IL31RA: variants seen among roughly 807,000 people sequenced by gnomAD.
IL31RA encodes the protein interleukin-31 receptor subunit alpha.
In IL31RA, 66 loss-of-function variants were observed where a neutral mutation model predicts 83.7. That is an observed-to-expected ratio of 0.79 (90% CI 0.65 to 0.97). The LOEUF (loss-of-function observed/expected upper bound fraction) is 0.97. Ranked by LOEUF, IL31RA falls within the 50% of genes least tolerant of loss-of-function variation. The pLI, the probability that IL31RA is intolerant of heterozygous loss-of-function variation, is 0.00. For missense variants in IL31RA, 798 were observed against 919.4 expected (o/e 0.87, Z 1.71); for synonymous variants, 325 against 329.0 (o/e 0.99, Z 0.13).
Position 55,920,284 on chromosome 5 carries a change from C to T in IL31RA, c.*3164C>T, listed in dbSNP as rs1172675794. 6.6e-6 allele frequency among the ~76,000 whole-genome samples: 1 copy of T among 152,238 alleles called. No individual in the cohort carries two copies. The highest frequency in any genetic ancestry group is 1.5e-5 in the Non-Finnish European group (1 of 68,046). On this transcript the variant is annotated 3_prime_UTR_variant, in exon 15 of 15. Transcript: ENST00000652347. ...TGTCCACCCCAGTCTGATTCTGTCC[C>T]CATTTCCAGCACGCCCCTAGTTACT...
intron 5 of IL31RA, among the ~76,000 whole-genome samples, chr5:55,888,672 C>A (rs1580704614): frequency 6.6e-6 from 1 of 152,176 alleles, no homozygotes; most frequent in East Asian, 1.9e-4. Flanking sequence ...TAATCCTGTT[C>A]TAGTTGGATC....
chr5:55,843,067 C>T, the IL31RA span, among the ~76,000 whole-genome samples: 1 of 152,188 alleles, frequency 6.6e-6, no homozygotes, highest in Non-Finnish European at 1.5e-5. Flanking sequence ...GGTTAATCTT[C>T]CCTTTTGCAT....
intron 1 of IL31RA, among the ~76,000 whole-genome samples, chr5:55,857,259 C>T (rs369170205): frequency 1.3e-4 from 20 of 152,206 alleles, no homozygotes; most frequent in African/African-American, 4.8e-4. Flanking sequence ...CCACCATACC[C>T]GGCTGATTTT....
intron 7 of IL31RA, among the ~76,000 whole-genome samples, chr5:55,898,333 C>G (rs1043088844): frequency 1.4e-5 from 2 of 142,498 alleles, no homozygotes; most frequent in African/African-American, 2.6e-5. Flanking sequence ...CCCCGCCCCC[C>G]CGCACCTTCA....
At chr5:55,850,646 A>C (rs975039934), upstream of IL31RA, among the ~76,000 whole-genome samples, 4 of 152,152 alleles carry the variant, frequency 2.6e-5, no homozygotes, top group Admixed American at 6.5e-5. Context: ...AATTTAATGA[A>C]TTTGGCTTTG....
chr5:55,889,804 G>A (rs1275362546), intron 5 of IL31RA, among the ~76,000 whole-genome samples, 166 bp from the exon 6 acceptor site: 1 of 152,170 alleles, frequency 6.6e-6, no homozygotes, highest in East Asian at 1.9e-4. Context: ...GGTACCAATT[G>A]TTCCCAGGCA....
chr5:55,842,278 C>T, the IL31RA span, among the ~76,000 whole-genome samples: 8 of 152,314 alleles, frequency 5.3e-5, no homozygotes, highest in Middle Eastern at 3.4e-3. Context: ...GATCACATTT[C>T]GAGATCTTTA....
intron 8 of IL31RA, 45 bp from the exon 9 acceptor site, chr5:55,906,061 G>T (rs762249199): frequency 6.3e-7 from 1 of 1,595,028 alleles, no homozygotes; most frequent in South Asian, 1.1e-5. Context: ...TGCATTTGGG[G>T]AATGAGTTGG....
intron 2 of IL31RA, among the ~76,000 whole-genome samples, chr5:55,862,226 G>A (rs904185339): frequency 2.6e-5 from 4 of 152,176 alleles, no homozygotes; most frequent in Admixed American, 6.5e-5. Context: ...GAAAAACTGT[G>A]AAAATAGCAT....
chr5:55,867,117 G>GCA (rs1561542823), intron 2 of IL31RA, among the ~76,000 whole-genome samples: 6 of 113,974 alleles, frequency 5.3e-5, no homozygotes, highest in African/African-American at 2.4e-4. Context: ...GTGTGCATGT[G>GCA]TGTGTTTGTG....
At chr5:55,844,110 C>A in the IL31RA span, among the ~76,000 whole-genome samples, 1 of 152,014 alleles carries the variant, frequency 6.6e-6, no homozygotes, top group Non-Finnish European at 1.5e-5. Flanking sequence ...AATAAACCAC[C>A]TTTCCTATAA....
Position 55,920,162 on chromosome 5 carries a change from C to T in IL31RA, c.*3042C>T, listed in dbSNP as rs1315038976. On this transcript the variant is annotated 3_prime_UTR_variant, in exon 15 of 15. Coordinates refer to ENST00000652347, the MANE Select transcript of IL31RA (RefSeq NM_139017.7). Reference sequence around the variant, plus strand: ...ACACCACGCAAGGGTCTGGAGGAGGCAGGAGATGGGGAGAGATGAAAAAGG... The same window carrying T: ...ACACCACGCAAGGGTCTGGAGGAGGTAGGAGATGGGGAGAGATGAAAAAGG... 6.6e-6 allele frequency among the ~76,000 whole-genome samples: 1 copy of T among 152,172 alleles called. No homozygotes were observed. Among genetic ancestry groups the T allele is most frequent in the African/African-American group, 2.4e-5 (1 of 41,456 alleles).
chr5:55,880,601 T>A (rs915442979), intron 4 of IL31RA, among the ~76,000 whole-genome samples: 1 of 152,228 alleles, frequency 6.6e-6, no homozygotes, highest in African/African-American at 2.4e-5. Flanking sequence ...TGGTATAACC[T>A]TTCTGGAAAG....
chr5:55,842,616 C>T, the IL31RA span, among the ~76,000 whole-genome samples: 254 of 152,340 alleles, frequency 1.7e-3, no homozygotes, highest in Non-Finnish European at 2.6e-3. Context: ...ACTTGCCTTT[C>T]CCATTTCCCA....
intron 2 of IL31RA, among the ~76,000 whole-genome samples, chr5:55,865,690 A>G (rs1217556206): frequency 6.6e-6 from 1 of 152,190 alleles, no homozygotes; most frequent in Admixed American, 6.5e-5. Context: ...TCTATGATCA[A>G]ACGAGTCATT....
intron 6 of IL31RA, among the ~76,000 whole-genome samples, chr5:55,891,289 G>T (rs183982107): frequency 6.6e-6 from 1 of 152,148 alleles, no homozygotes; most frequent in Non-Finnish European, 1.5e-5. Context: ...CTCAGTGGAC[G>T]ATCAATAAAT....
At chr5:55,872,161 T>C (rs10060432) in intron 3 of IL31RA, 109 bp from the exon 4 acceptor site, 2 of 823,960 alleles carry the variant, frequency 2.4e-6, no homozygotes, top group Non-Finnish European at 2.0e-6. Flanking sequence ...TATACAGTTC[T>C]CAAGAAAACC....
rs766474204 is a variant in IL31RA at position 55,918,957 on chromosome 5, G to C, written c.*1837G>C. Among the ~76,000 whole-genome samples the C allele has an allele frequency of 6.6e-6, 1 of 152,140 alleles. No homozygotes were observed. Among genetic ancestry groups the C allele is most frequent in the Non-Finnish European group, 1.5e-5 (1 of 68,030 alleles). On this transcript the variant is annotated 3_prime_UTR_variant, in exon 15 of 15. Transcript: ENST00000652347. ...CTGCACTCAAGTCCAGGTGTAGGAA[G>C]GGACCAAACAAAAGAGATGCGTCCA...
chr5:55,896,342 C>A lies in IL31RA; in HGVS notation c.773-8C>A. The A allele has an allele frequency of 1.9e-6, 3 of 1,605,686 alleles. No individual in the cohort carries two copies. Among genetic ancestry groups the A allele is most frequent in the Non-Finnish European group, 2.6e-6 (3 of 1,172,396 alleles). On this transcript the variant is annotated splice_region_variant and splice_polypyrimidine_tract_variant and intron_variant, in intron 6 of 14. Coordinates refer to ENST00000652347, the MANE Select transcript of IL31RA (RefSeq NM_139017.7). ...CTGGGTTGAGTACCTCATTCTTGTTCCTTACAGCTCCATGTGGCCTGGAAC... is the reference window on the plus strand; with the variant it reads ...CTGGGTTGAGTACCTCATTCTTGTTACTTACAGCTCCATGTGGCCTGGAAC...
Sources: gnomAD v4.1 joint callset for allele counts (sites outside exome capture counted in the v4.1 genomes callset) on GRCh38, gnomAD v4.1.1 for gene constraint, MANE v1.5 for transcripts, NCBI Gene and HGNC (gene_info 2026-07-23, HGNC 2026-07-21) for gene names.